Variants in JMJD1C observed in about 807,000 individuals in gnomAD.
JMJD1C encodes jumonji domain-containing protein 1C.
JMJD1C carries 31 observed loss-of-function variants against 245.3 expected under a neutral mutation model. The observed-to-expected ratio is 0.13, with a 90% CI of 0.09 to 0.17. JMJD1C has a LOEUF of 0.17. Among genes scored for constraint, JMJD1C ranks in the 10% least tolerant of loss-of-function variants. JMJD1C has a pLI of 1.00. For missense variants in JMJD1C, 2,691 were observed against 3,000.2 expected (o/e 0.90, Z 2.41); for synonymous variants, 1,057 against 1,017.4 (o/e 1.04, Z -0.74).
intron 3 of JMJD1C, among the ~76,000 whole-genome samples, chr10:63,237,474 C>CTA (rs1359946486): frequency 6.6e-6 from 1 of 152,172 alleles, no homozygotes; most frequent in Non-Finnish European, 1.5e-5. Flanking sequence ...TATAAATGAA[C>CTA]TATAGTACCA....
chr10:63,501,891 A>G (rs959605959), intron 1 of JMJD1C, among the ~76,000 whole-genome samples: 3 of 152,218 alleles, frequency 2.0e-5, no homozygotes, highest in Non-Finnish European at 2.9e-5. Context: ...TAATGGTCCT[A>G]AGAAAGAAAA....
chr10:63,344,766 A>G (rs1184655689), intron 2 of JMJD1C, among the ~76,000 whole-genome samples: 1 of 152,210 alleles, frequency 6.6e-6, no homozygotes, highest in Non-Finnish European at 1.5e-5. Context: ...AAAGTTCACC[A>G]ATAGTATTCA....
At chr10:63,371,808 AT>A (rs772680027) in intron 2 of JMJD1C, among the ~76,000 whole-genome samples, 15 of 152,128 alleles carry the variant, frequency 9.9e-5, no homozygotes, top group Non-Finnish European at 1.9e-4. Flanking sequence ...ATTATGTATA[AT>A]TTGATCTCTT....
chr10:63,360,727 TTACA>T (rs1320120927), intron 2 of JMJD1C, among the ~76,000 whole-genome samples: 13 of 152,300 alleles, frequency 8.5e-5, no homozygotes, highest in Non-Finnish European at 1.3e-4. Flanking sequence ...AAGATAAATA[TTACA>T]TACCACAAAA....
intron 2 of JMJD1C, among the ~76,000 whole-genome samples, chr10:63,321,235 A>G (rs1042987736): frequency 1.3e-5 from 2 of 152,236 alleles, no homozygotes; most frequent in African/African-American, 2.4e-5. Flanking sequence ...AAACATAATA[A>G]GTAAAGTGTT....
chr10:63,427,373 A>G, intron 1 of JMJD1C: 1 of 1,048,134 alleles, frequency 9.5e-7, no homozygotes, highest in Non-Finnish European at 1.4e-6. Context: ...TGGCATCAGT[A>G]CCCAAATCCC....
intron 2 of JMJD1C, among the ~76,000 whole-genome samples, chr10:63,340,165 C>T (rs1034985649): frequency 1.3e-5 from 2 of 152,166 alleles, no homozygotes; most frequent in Admixed American, 6.5e-5. Flanking sequence ...AATTTCCACA[C>T]CTGACCTCAT....
rs1456804049 is a variant in JMJD1C, at chr10:63,208,058, T to C, written c.3611A>G (p.His1204Arg). ...TGGTGGGTGAAATACTGGTGCTCTA[T>C]GTAATGCAGGCATACTGCGGAGTGT... ...TNTLRSMPAL[H>R]RAPVFHPPIH... The change falls in exon 10 of 26, where the codon CAT becomes CGT. Residue 1204 changes from histidine to arginine, a missense_variant. Physicochemically the swap from His to Arg is conservative, Grantham distance 29 (BLOSUM62 0). Coordinates refer to ENST00000399262, the MANE Select transcript of JMJD1C (RefSeq NM_032776.3). 10 of 1,614,052 alleles carry C rather than the reference T, an allele frequency of 6.2e-6. No homozygotes were observed. Among genetic ancestry groups the C allele is most frequent in the African/African-American group, 1.3e-5 (1 of 74,940 alleles).
intron 8 of JMJD1C, 96 bp downstream of exon 8, chr10:63,213,377 T>C (rs932944548): frequency 6.4e-6 from 5 of 776,890 alleles, no homozygotes; most frequent in Non-Finnish European, 1.0e-5. Context: ...TATTTTATAA[T>C]AGGAAATGAC....
At chr10:63,387,633 T>TTTTTA (rs1947725753) in intron 1 of JMJD1C, among the ~76,000 whole-genome samples, 1 of 104,502 alleles carries the variant, frequency 9.6e-6, no homozygotes, top group Admixed American at 9.3e-5. Context: ...AAAAAAATTT[T>TTTTTA]TTTTTTTTTT....
intron 2 of JMJD1C, among the ~76,000 whole-genome samples, chr10:63,313,020 T>C (rs1441012432): frequency 6.6e-6 from 1 of 152,118 alleles, no homozygotes; most frequent in Non-Finnish European, 1.5e-5. Flanking sequence ...TTAGCGGTGA[T>C]TTGTGGGATT....
intron 1 of JMJD1C, among the ~76,000 whole-genome samples, chr10:63,501,016 TA>T (rs1954541558): frequency 5.1e-3 from 1 of 198 alleles, no homozygotes. Flanking sequence ...ATAGACTTCA[TA>T]ATTCCCAATT....
intron 1 of JMJD1C, among the ~76,000 whole-genome samples, chr10:63,495,690 G>A (rs7096137): frequency 0.15 from 22,209 of 150,580 alleles, 3,840 homozygotes; most frequent in African/African-American, 0.42. Context: ...GGTGGGAGGC[G>A]GAGGTTGCAG....
intron 1 of JMJD1C, among the ~76,000 whole-genome samples, chr10:63,446,167 C>A (rs887298042): frequency 1.9e-4 from 29 of 152,034 alleles, no homozygotes; most frequent in African/African-American, 7.0e-4. Context: ...TGAGCCACCA[C>A]GCCCCGCCTG....
intron 1 of JMJD1C, among the ~76,000 whole-genome samples, chr10:63,476,384 C>T (rs1166854605): frequency 6.6e-6 from 1 of 151,940 alleles, no homozygotes; most frequent in East Asian, 1.9e-4. Flanking sequence ...AGAGTCATGA[C>T]AAATTCTCAG....
chr10:63,305,629 CGTGTGTGTGTGTGTGTGTGTGTGTGT>C (rs36038855), intron 2 of JMJD1C, among the ~76,000 whole-genome samples: 11,219 of 121,750 alleles, frequency 0.092, 691 homozygotes, highest in East Asian at 0.32. Context: ...ACCATGCTGG[CGTGTGTGTGTGTGTGTGTGTGTGTGT>C]GTGTGTGTGT....
intron 10 of JMJD1C, 30 bp downstream of exon 10, chr10:63,206,565 A>G: frequency 6.6e-7 from 1 of 1,525,524 alleles, no homozygotes; most frequent in East Asian, 2.3e-5. Flanking sequence ...AGCCCATTTT[A>G]CCTGAGATAA....
At chr10:63,261,978 G>C (rs9415681) in intron 3 of JMJD1C, among the ~76,000 whole-genome samples, 2,274 of 152,238 alleles carry the variant, frequency 0.015, 51 homozygotes, top group African/African-American at 0.052. Flanking sequence ...CATTTCCAAA[G>C]AGAATTTTCC....
intron 8 of JMJD1C, 64 bp downstream of exon 8, chr10:63,213,409 G>T: frequency 2.1e-6 from 2 of 945,512 alleles, no homozygotes; most frequent in Non-Finnish European, 3.2e-6. Flanking sequence ...ATGGAATATT[G>T]AAAAAGCACC....
Sources: gnomAD v4.1 joint callset for allele counts (sites outside exome capture counted in the v4.1 genomes callset) on GRCh38, gnomAD v4.1.1 for gene constraint, MANE v1.5 for transcripts, NCBI Gene and HGNC (gene_info 2026-07-23, HGNC 2026-07-21) for gene names.